CCDC149: variants seen among roughly 807,000 people sequenced by gnomAD.
CCDC149 encodes coiled-coil domain containing 149.
A neutral mutation model predicts 59.9 loss-of-function variants in CCDC149; 45 were observed. The observed-to-expected ratio is 0.75, with a 90% CI of 0.59 to 0.96. The LOEUF (loss-of-function observed/expected upper bound fraction) is 0.96. Ranked by LOEUF, CCDC149 falls within the 40% of genes least tolerant of loss-of-function variation. The pLI is 0.00. For missense variants in CCDC149, 584 were observed against 664.7 expected, an observed-to-expected ratio of 0.88 and a Z score of 1.33; for synonymous variants, 245 against 260.6, an observed-to-expected ratio of 0.94 and a Z score of 0.58.
intron 1 of CCDC149, among the ~76,000 whole-genome samples, chr4:24,877,730 T>A (rs1225955351): frequency 6.6e-6 from 1 of 152,160 alleles, no homozygotes; most frequent in Non-Finnish European, 1.5e-5. Flanking sequence ...CCCAAACAAG[T>A]TGAGTACACC....
At chr4:24,893,957 T>C (rs1222117306) in intron 1 of CCDC149, among the ~76,000 whole-genome samples, 2 of 152,120 alleles carry the variant, frequency 1.3e-5, no homozygotes, top group Admixed American at 1.3e-4. Context: ...GGTTGGTTGG[T>C]CCACTCATTC....
intron 1 of CCDC149, among the ~76,000 whole-genome samples, chr4:24,918,183 T>C (rs1283726238): frequency 6.6e-6 from 1 of 152,054 alleles, no homozygotes; most frequent in Non-Finnish European, 1.5e-5. Flanking sequence ...AGAATAAACA[T>C]GATCAAGGAC....
chr4:24,860,143 C>T (rs1718282338), intron 3 of CCDC149, among the ~76,000 whole-genome samples: 1 of 152,132 alleles, frequency 6.6e-6, no homozygotes, highest in African/African-American at 2.4e-5. Flanking sequence ...CAAAGCAAAA[C>T]TAAGCAAAAA....
intron 1 of CCDC149, among the ~76,000 whole-genome samples, chr4:24,937,265 T>A (rs1722810925): frequency 6.6e-6 from 1 of 152,198 alleles, no homozygotes; most frequent in East Asian, 1.9e-4. Context: ...ATTCCTTTTG[T>A]AGCATAAATA....
At chr4:24,951,689 T>C (rs1723296167) in intron 1 of CCDC149, among the ~76,000 whole-genome samples, 1 of 152,240 alleles carries the variant, frequency 6.6e-6, no homozygotes, top group Non-Finnish European at 1.5e-5. Flanking sequence ...AATTGTTTCC[T>C]TTTTATATCT....
chr4:24,913,720 G>A (rs577736873), upstream of CCDC149, among the ~76,000 whole-genome samples: 1 of 152,308 alleles, frequency 6.6e-6, no homozygotes, highest in East Asian at 1.9e-4. Flanking sequence ...GAGGCAGGAG[G>A]ATCCCTTGAG....
chr4:24,933,267 G>A (rs1450918536), intron 1 of CCDC149, among the ~76,000 whole-genome samples: 1 of 152,168 alleles, frequency 6.6e-6, no homozygotes. Context: ...AGGATACTAA[G>A]TGGTACTTTG....
intron 1 of CCDC149, among the ~76,000 whole-genome samples, chr4:24,952,618 AAAAAAAAAATATATATATATATATAT>A (rs1723336864): frequency 2.5e-5 from 1 of 40,618 alleles, no homozygotes; most frequent in African/African-American, 1.0e-4. Flanking sequence ...AAAAAAAAAA[AAAAAAAAAATATATATATATATATAT>A]ATATATATAT....
At chr4:24,857,880 C>A (rs1476798091) in intron 3 of CCDC149, among the ~76,000 whole-genome samples, 1 of 152,148 alleles carries the variant, frequency 6.6e-6, no homozygotes, top group Non-Finnish European at 1.5e-5. Context: ...TTTTCTTTTA[C>A]CTTTAACAGG....
intron 9 of CCDC149, 25 bp downstream of exon 9, chr4:24,831,481 C>T (rs369356428): frequency 5.0e-6 from 8 of 1,612,542 alleles, no homozygotes; most frequent in East Asian, 2.2e-5. Flanking sequence ...CGCCCACCCC[C>T]CAACACAAGA....
chr4:24,830,888 T>C (rs1478463955), intron 9 of CCDC149: 5 of 152,292 alleles, frequency 3.3e-5, no homozygotes, highest in East Asian at 1.9e-4. Context: ...CTTTAATTTA[T>C]TGTTTATTCA....
intron 1 of CCDC149, among the ~76,000 whole-genome samples, chr4:24,884,414 C>T (rs531625244): frequency 2.1e-4 from 32 of 152,108 alleles, no homozygotes; most frequent in Non-Finnish European, 2.8e-4. Flanking sequence ...CTAGTACAGT[C>T]GCACAATGAT....
chr4:24,819,797 T>G (rs1715246919), intron 12 of CCDC149, 62 bp downstream of exon 12: 57 of 1,166,032 alleles, frequency 4.9e-5, no homozygotes, highest in Middle Eastern at 1.9e-4. Flanking sequence ...CGATGTCCAT[T>G]GAGCCACTCC....
intron 1 of CCDC149, among the ~76,000 whole-genome samples, chr4:24,897,268 C>T (rs758827507): frequency 5.9e-5 from 9 of 152,104 alleles, no homozygotes; most frequent in Non-Finnish European, 7.4e-5. Context: ...TGGCAGCATG[C>T]GCTTCAGACA....
At chr4:24,870,131 C>T (rs1055253844) in intron 3 of CCDC149, among the ~76,000 whole-genome samples, 6 of 152,340 alleles carry the variant, frequency 3.9e-5, no homozygotes, top group African/African-American at 1.2e-4. Flanking sequence ...TGTCCAGTTA[C>T]ATTTGAATTT....
intron 2 of CCDC149, among the ~76,000 whole-genome samples, chr4:24,876,262 G>A (rs1471193834): frequency 1.4e-5 from 2 of 147,900 alleles, no homozygotes; most frequent in Admixed American, 6.8e-5. Context: ...GTTCACAGAT[G>A]CCAGAGCAAG....
intron 1 of CCDC149, among the ~76,000 whole-genome samples, chr4:24,974,062 A>G (rs970456025): frequency 2.0e-5 from 3 of 152,236 alleles, no homozygotes; most frequent in Non-Finnish European, 4.4e-5. Context: ...GCGCAAATAA[A>G]CAAACGCCTG....
chr4:24,906,719 C>T (rs920553440), intron 1 of CCDC149, among the ~76,000 whole-genome samples: 2 of 152,110 alleles, frequency 1.3e-5, no homozygotes, highest in Non-Finnish European at 2.9e-5. Context: ...ATGAATAAAA[C>T]TTGCCCCACC....
intron 1 of CCDC149, among the ~76,000 whole-genome samples, chr4:24,887,758 A>G (rs535823790): frequency 6.6e-6 from 1 of 151,994 alleles, no homozygotes; most frequent in Admixed American, 6.5e-5. Flanking sequence ...TGTCTAGTCC[A>G]GGTACCAGTC....
Sources: gnomAD v4.1 joint callset for allele counts (sites outside exome capture counted in the v4.1 genomes callset) on GRCh38, gnomAD v4.1.1 for gene constraint, MANE v1.5 for transcripts, NCBI Gene and HGNC (gene_info 2026-07-23, HGNC 2026-07-21) for gene names.